Variants in PMFBP1 observed in about 807,000 individuals in gnomAD.
PMFBP1 encodes the protein polyamine modulated factor 1 binding protein 1, also known as polyamine-modulated factor 1-binding protein 1.
Under a neutral mutation model 137.8 loss-of-function variants are expected in PMFBP1, and 131 were observed. The ratio of observed to expected loss-of-function variants is 0.95; its 90% CI spans 0.82 to 1.10. PMFBP1 has a LOEUF of 1.10. Ranked by LOEUF, PMFBP1 falls within the 50% of genes least tolerant of loss-of-function variation. The probability of loss-of-function intolerance (pLI) is 0.00; values close to 1 mark genes in which losing one functional copy is unlikely to be tolerated. For missense variants in PMFBP1, 1,199 were observed against 1,175.4 expected (o/e 1.02, Z -0.29); for synonymous variants, 490 against 450.4 (o/e 1.09, Z -1.11).
the PMFBP1 span, among the ~76,000 whole-genome samples, chr16:72,182,665 G>A: frequency 1.3e-5 from 2 of 152,290 alleles, no homozygotes; most frequent in East Asian, 1.9e-4. Flanking sequence ...AGAAATGTAC[G>A]ATGAGAAGTG....
the PMFBP1 span, among the ~76,000 whole-genome samples, chr16:72,191,039 A>G: frequency 2.6e-5 from 4 of 152,190 alleles, no homozygotes; most frequent in African/African-American, 9.7e-5. Flanking sequence ...CAGTCATAAA[A>G]CATGAAAATT....
rs556774367 is a variant in PMFBP1 at position 72,171,239 on chromosome 16, C to A, written c.-31G>T. 6 of 1,612,840 alleles carry A rather than the reference C, an allele frequency of 3.7e-6. No homozygotes were observed. The East Asian group carries it at 1.1e-4, about 30-fold the overall frequency. On this transcript the variant is annotated 5_prime_UTR_variant, in exon 2 of 21. It adds an upstream start codon to the 5' untranslated region. Coordinates refer to ENST00000237353, the MANE Select transcript of PMFBP1 (RefSeq NM_031293.3). ...TGGCAGCTCTCAATTCTCCTTTAAC[C>A]TTTAGTATTTTCTGAGCTTTGTTAT... is the stretch of plus-strand genomic sequence containing the variant.
At chr16:72,193,634 G>A in the PMFBP1 span, among the ~76,000 whole-genome samples, 2 of 151,402 alleles carry the variant, frequency 1.3e-5, no homozygotes, top group Non-Finnish European at 1.5e-5. Flanking sequence ...ATCTGTGGAT[G>A]GAAAATTTAA....
At chr16:72,211,389 C>CA in the PMFBP1 span, among the ~76,000 whole-genome samples, 1 of 152,160 alleles carries the variant, frequency 6.6e-6, no homozygotes, top group East Asian at 1.9e-4. Context: ...TAAACTTCCC[C>CA]ATACAAACAT....
At chr16:72,147,677 A>T (rs908578565) in intron 5 of PMFBP1, among the ~76,000 whole-genome samples, 4 of 152,206 alleles carry the variant, frequency 2.6e-5, no homozygotes, top group Admixed American at 6.5e-5. Flanking sequence ...CAAATTTACA[A>T]GAAAAAAACA....
chr16:72,136,179 G>A (rs1332694748), intron 9 of PMFBP1, among the ~76,000 whole-genome samples: 1 of 152,174 alleles, frequency 6.6e-6, no homozygotes, highest in African/African-American at 2.4e-5. Flanking sequence ...AAGTAAGTGT[G>A]TCACAAATGC....
intron 19 of PMFBP1, 79 bp downstream of exon 19, chr16:72,122,835 G>T (rs1476308586): frequency 4.3e-6 from 6 of 1,386,758 alleles, no homozygotes; most frequent in Non-Finnish European, 6.0e-6. Context: ...CCTATCAAGG[G>T]CTAAAGCCAG....
At chr16:72,164,367 A>T (rs1227715767) in intron 3 of PMFBP1, 1 of 1,276,156 alleles carries the variant, frequency 7.8e-7, no homozygotes, top group South Asian at 1.2e-5. Flanking sequence ...ATGGACACTG[A>T]TACCTTAGAG....
At chr16:72,187,860 T>C in the PMFBP1 span, among the ~76,000 whole-genome samples, 1 of 152,190 alleles carries the variant, frequency 6.6e-6, no homozygotes, top group Non-Finnish European at 1.5e-5. Flanking sequence ...ATCAGACACC[T>C]CACTAAGAAT....
chr16:72,127,693 T>C (rs916857052), intron 14 of PMFBP1, among the ~76,000 whole-genome samples: 3 of 152,232 alleles, frequency 2.0e-5, no homozygotes, highest in Non-Finnish European at 4.4e-5. Flanking sequence ...ACCTACTCTC[T>C]CTGCTGTCAA....
chr16:72,133,040 G>A, intron 9 of PMFBP1, 49 bp from the exon 10 acceptor site: 1 of 1,599,180 alleles, frequency 6.3e-7, no homozygotes, highest in Non-Finnish European at 8.5e-7. Flanking sequence ...GTGGCAGTGG[G>A]TGAAGGCAAT....
At chr16:72,140,641 T>A in intron 5 of PMFBP1, 59 bp from the exon 6 acceptor site, 1 of 1,452,332 alleles carries the variant, frequency 6.9e-7, no homozygotes, top group Non-Finnish European at 9.6e-7. Flanking sequence ...TACTTCAGAA[T>A]TCCATGAACA....
upstream of PMFBP1, among the ~76,000 whole-genome samples, chr16:72,173,738 C>G (rs1223096002): frequency 6.6e-6 from 1 of 152,182 alleles, no homozygotes; most frequent in Non-Finnish European, 1.5e-5. Flanking sequence ...GGGAGCCCCA[C>G]AGGCTTTACG....
At chr16:72,171,327 G>T (rs2144533524) in intron 1 of PMFBP1, 59 bp from the exon 2 acceptor site, 3 of 1,200,518 alleles carry the variant, frequency 2.5e-6, no homozygotes, top group Non-Finnish European at 3.6e-6. Context: ...GCCCTTTAAA[G>T]ATTTTCCCAG....
intron 4 of PMFBP1, among the ~76,000 whole-genome samples, chr16:72,153,417 GAACCTA>G (rs1410765951): frequency 6.6e-6 from 1 of 151,906 alleles, no homozygotes; most frequent in African/African-American, 2.4e-5. Context: ...CCTTCCAATA[GAACCTA>G]ACTCCTTGAA....
chr16:72,190,925 G>T, the PMFBP1 span, among the ~76,000 whole-genome samples: 1 of 152,174 alleles, frequency 6.6e-6, no homozygotes, highest in Non-Finnish European at 1.5e-5. Flanking sequence ...CAAAGAGAAG[G>T]TTCTTCGTGT....
intron 9 of PMFBP1, among the ~76,000 whole-genome samples, chr16:72,134,358 T>C (rs1245264366): frequency 6.6e-6 from 1 of 152,126 alleles, no homozygotes; most frequent in Non-Finnish European, 1.5e-5. Context: ...AGTTTAAACA[T>C]TTTTTTGCAG....
chr16:72,245,181 G>A, the PMFBP1 span, among the ~76,000 whole-genome samples: 1 of 151,518 alleles, frequency 6.6e-6, no homozygotes, highest in Non-Finnish European at 1.5e-5. Context: ...TCATTTTATA[G>A]ACAGAAAACT....
At chr16:72,124,625 G>A (rs978832204) in intron 17 of PMFBP1, 142 bp downstream of exon 17, 2 of 1,012,882 alleles carry the variant, frequency 2.0e-6, no homozygotes, top group African/African-American at 1.6e-5. Context: ...TGTGGCTCTT[G>A]CTTTGTGCTA....
Sources: allele counts gnomAD v4.1 joint callset (sites outside exome capture counted in the v4.1 genomes callset), GRCh38; gene constraint gnomAD v4.1.1; transcripts MANE v1.5; gene names NCBI Gene and HGNC (gene_info 2026-07-23, HGNC 2026-07-21).